Variants in LRIG2 observed in about 807,000 individuals in gnomAD.
The protein encoded by LRIG2 is leucine-rich repeats and immunoglobulin-like domains protein 2.
LRIG2 carries 93 observed loss-of-function variants against 107.8 expected under a neutral mutation model. That is an observed-to-expected ratio of 0.86 (90% confidence interval 0.73 to 1.03). LRIG2 has a LOEUF of 1.03. LRIG2 is among the 50% of genes least tolerant of loss of function. The pLI is 0.00. For synonymous variants in LRIG2, 471 were observed against 470.6 expected (o/e 1.00, Z -0.01); for missense variants, 1,226 against 1,296.0 (o/e 0.95, Z 0.83).
intron 8 of LRIG2, 109 bp downstream of exon 8, chr1:113,096,474 T>C (rs1256936224): frequency 1.6e-6 from 2 of 1,213,074 alleles, no homozygotes; most frequent in Non-Finnish European, 2.3e-6. Context: ...TGCTAACATT[T>C]TGTGGTTCTT....
chr1:113,096,340 A>C lies in LRIG2; in HGVS notation c.1066A>C (p.Arg356=). ...CACTCATATTGCTGATGGTGTATTT[A>C]GATTTCTTTCCAATCTTCAGACATT... ...RVTHIADGVF[R]FLSNLQTLDL... The change falls in exon 8 of 18, where the codon AGA becomes CGA. Residue 356 remains arginine, a synonymous_variant. Transcript: ENST00000361127. 6.2e-7 allele frequency: 1 copy of C among 1,613,698 alleles called. No homozygotes were observed. Among genetic ancestry groups the C allele is most frequent in the Non-Finnish European group, 8.5e-7 (1 of 1,179,890 alleles).
At chr1:113,123,088 T>G (rs1346237461) in intron 17 of LRIG2, among the ~76,000 whole-genome samples, 3 of 152,172 alleles carry the variant, frequency 2.0e-5, no homozygotes, top group Non-Finnish European at 1.5e-5. Context: ...TTGACTATCA[T>G]TTGTTGTTAG....
intron 1 of LRIG2, among the ~76,000 whole-genome samples, chr1:113,081,118 C>T (rs913734759): frequency 1.3e-5 from 2 of 152,030 alleles, no homozygotes; most frequent in Non-Finnish European, 2.9e-5. Context: ...TGGGATTCCA[C>T]GCATGAGCCA....
At position 113,119,292 on chromosome 1, in the gene LRIG2, A is replaced by G. The variant is rs777949044; in HGVS notation, c.2740A>G (p.Arg914Gly). 3.7e-6 allele frequency: 6 copies of G among 1,614,162 alleles called. No homozygotes were observed. The South Asian group carries it at 4.4e-5, about 12-fold the overall frequency. Residue 914 changes from arginine to glycine, a missense_variant, in exon 17 of 18, where the codon AGG (arginine) becomes GGG (glycine). Physicochemically the swap from Arg to Gly is moderately radical, Grantham distance 125. Around this residue, in one of 3 missense-constraint regions of LRIG2, gnomAD observed 642 missense variants for 712.2 expected, o/e 0.90. Transcript: ENST00000361127. ...TTATGACAATGCCAACATCTACTCC[A>G]GGACCCGAGAATACTGTCCATACAC... ...DCYDNANIYSRTREYCPYTYI... is the reference protein window; with the variant it reads ...DCYDNANIYSGTREYCPYTYI...
At chr1:113,099,942 T>C (rs1489844354) in intron 9 of LRIG2, among the ~76,000 whole-genome samples, 1 of 152,212 alleles carries the variant, frequency 6.6e-6, no homozygotes. Context: ...GTTCACCTCA[T>C]TGAGCTTTAA....
At position 113,091,279 on chromosome 1, in the gene LRIG2, C is replaced by T. The variant is rs753321304; in HGVS notation, c.240-39C>T. ...CTTTTTTTTTCTTTAGGTCTACTTTCCAGGACTAAACTAAGAATGATATTT... is the reference window on the plus strand; with the variant it reads ...CTTTTTTTTTCTTTAGGTCTACTTTTCAGGACTAAACTAAGAATGATATTT... On this transcript the variant is annotated intron_variant, in intron 1 of 17. Coordinates refer to ENST00000361127, the MANE Select transcript of LRIG2 (RefSeq NM_014813.3). 18 of 1,360,792 alleles carry T rather than the reference C, an allele frequency of 1.3e-5. No individual in the cohort carries two copies. The East Asian group carries it at 1.6e-4, about 12-fold the overall frequency. The allele number at this position is 1,360,792 out of a possible 1,614,324, so 84.3% of individuals were successfully genotyped here.
intron 17 of LRIG2, 148 bp from the exon 18 acceptor site, chr1:113,123,727 T>TTTTGTG (rs1437564600): frequency 1.0e-3 from 596 of 597,130 alleles, no homozygotes; most frequent in African/African-American, 4.3e-3. Flanking sequence ...GTGGTGGTTT[T>TTTTGTG]TGTGTGTGTG....
chr1:113,080,016 C>T (rs1382070466), intron 1 of LRIG2, among the ~76,000 whole-genome samples: 5 of 108,492 alleles, frequency 4.6e-5, no homozygotes, highest in Admixed American at 2.7e-4. Context: ...GCGCCTGGCC[C>T]GAATTTTTTT....
chr1:113,114,856 A>T lies in LRIG2; in HGVS notation c.2510A>T (p.Asp837Val). The change falls in exon 15 of 18, where the codon GAC becomes GTC. Residue 837 changes from aspartate (D) to valine (V), a missense_variant. This residue lies in a region of LRIG2 where 642 missense variants were observed against 712.2 expected (regional missense o/e 0.90). Coordinates refer to ENST00000361127, the MANE Select transcript of LRIG2 (RefSeq NM_014813.3). ...TACCACATGAGAAGGAAAAATGAAGACTATAGTATCACAAACACAGGTAAG... is the reference window on the plus strand; with the variant it reads ...TACCACATGAGAAGGAAAAATGAAGTCTATAGTATCACAAACACAGGTAAG... ...VIYHMRRKNEDYSITNTEELN... is the reference protein window; with the variant it reads ...VIYHMRRKNEVYSITNTEELN... 6.2e-7 allele frequency: 1 copy of T among 1,610,432 alleles called. No individual in the cohort carries two copies. Among genetic ancestry groups the T allele is most frequent in the Non-Finnish European group, 8.5e-7 (1 of 1,179,246 alleles).
chr1:113,079,425 C>A (rs1570721728), intron 1 of LRIG2, among the ~76,000 whole-genome samples: 1 of 151,264 alleles, frequency 6.6e-6, no homozygotes, highest in South Asian at 2.1e-4. Context: ...GTGCTCACAC[C>A]TGTAATCCCA....
chr1:113,107,535 G>A (rs1654589172), intron 11 of LRIG2, 59 bp from the exon 12 acceptor site: 1 of 1,504,996 alleles, frequency 6.6e-7, no homozygotes, highest in Non-Finnish European at 9.1e-7. Context: ...TTTTAATACT[G>A]AAGACGTTTA....
chr1:113,099,491 T>G (rs757654616), intron 9 of LRIG2, among the ~76,000 whole-genome samples: 1 of 151,694 alleles, frequency 6.6e-6, no homozygotes, highest in Non-Finnish European at 1.5e-5. Flanking sequence ...CCTCCCACCT[T>G]GGCCTCCCAA....
In LRIG2 at chr1:113,125,093, G is replaced by T. The variant is rs1255342731; in HGVS notation, c.*992G>T. 1 of 152,286 alleles carries T rather than the reference G, an allele frequency of 6.6e-6. No homozygotes were observed. The highest frequency in any genetic ancestry group is 2.1e-4 in the South Asian group (1 of 4,820). The allele number at this position is 152,286 out of a possible 1,614,324, so 9.4% of individuals were successfully genotyped here. A position where few individuals can be genotyped will look rare whatever the true frequency, so the allele number is the denominator to read the frequency against. On this transcript the variant is annotated 3_prime_UTR_variant, in exon 18 of 18. Coordinates refer to ENST00000361127, the MANE Select transcript of LRIG2 (RefSeq NM_014813.3). ...AGGTGGGAGGGTCACTTGAGCCCGGGAAATCAAGGCTGCAGTGAGCTGTGT... is the reference window on the plus strand; with the variant it reads ...AGGTGGGAGGGTCACTTGAGCCCGGTAAATCAAGGCTGCAGTGAGCTGTGT...
At chr1:113,120,438 ACT>A (rs1462173501) in intron 17 of LRIG2, among the ~76,000 whole-genome samples, 2 of 151,166 alleles carry the variant, frequency 1.3e-5, no homozygotes, top group Non-Finnish European at 2.9e-5. Flanking sequence ...ACAGAGTGAG[ACT>A]CTGTCTCCAA....
intron 11 of LRIG2, among the ~76,000 whole-genome samples, chr1:113,106,308 GGATTTGATCAT>G (rs1430541790): frequency 6.6e-6 from 1 of 152,080 alleles, no homozygotes; most frequent in Non-Finnish European, 1.5e-5. Flanking sequence ...AACTTGATAA[GGATTTGATCAT>G]GCACATAAAG....
In LRIG2 at chr1:113,098,772, A is replaced by T; in HGVS notation, c.1159A>T (p.Ser387Cys). Residue 387 changes from serine to cysteine, a missense_variant, in exon 9 of 18, where the codon AGT becomes TGT. Transcript: ENST00000361127. Reference sequence around the variant, plus strand: ...TAGTGAAGCCTTTGCTGGACTCACAAGTCTCACTAAACTGTATGTATTATA... The same window carrying T: ...TAGTGAAGCCTTTGCTGGACTCACATGTCTCACTAAACTGTATGTATTATA... Reference protein sequence around the residue: ...DASEAFAGLTSLTKLILQGNQ... With the variant: ...DASEAFAGLTCLTKLILQGNQ... The T allele has an allele frequency of 6.2e-7, 1 of 1,604,546 alleles. No homozygotes were observed. Among genetic ancestry groups the T allele is most frequent in the South Asian group, 1.1e-5 (1 of 90,880 alleles).
intron 12 of LRIG2, 178 bp downstream of exon 12, chr1:113,107,935 G>A (rs1045101382): frequency 1.0e-5 from 6 of 577,476 alleles, no homozygotes; most frequent in South Asian, 2.4e-5. Context: ...TAGAGGGACT[G>A]TTAACCTTAG....
chr1:113,076,935 A>G (rs1653004591), intron 1 of LRIG2, among the ~76,000 whole-genome samples: 1 of 152,160 alleles, frequency 6.6e-6, no homozygotes, highest in African/African-American at 2.4e-5. Context: ...GACTAGGTTT[A>G]TGACTCAACT....
At chr1:113,085,127 CA>C (rs1653490555) in intron 1 of LRIG2, among the ~76,000 whole-genome samples, 1 of 152,014 alleles carries the variant, frequency 6.6e-6, no homozygotes, top group South Asian at 2.1e-4. Flanking sequence ...CAGCCTTTCC[CA>C]AAAAAGACTG....
Sources: gnomAD v4.1 joint callset for allele counts (sites outside exome capture counted in the v4.1 genomes callset) on GRCh38, gnomAD v4.1.1 for gene constraint, gnomAD v4.1.1 regional missense constraint, MANE v1.5 for transcripts, NCBI Gene and HGNC (gene_info 2026-07-23, HGNC 2026-07-21) for gene names.